Variants in HRH1 observed in about 807,000 individuals in gnomAD.
HRH1 encodes histamine receptor H1.
HRH1 carries 6 observed loss-of-function variants against 10.3 expected under a neutral mutation model. That is an observed-to-expected ratio of 0.58 (90% confidence interval 0.32 to 1.15). HRH1 has a LOEUF of 1.15. HRH1 is among the 50% of genes most tolerant of loss of function. The pLI, the probability that HRH1 is intolerant of heterozygous loss-of-function variation, is 0.05. For synonymous variants in HRH1, 242 were observed against 236.7 expected (o/e 1.02, Z -0.21); for missense variants, 514 against 615.3 (o/e 0.84, Z 1.74).
intron 1 of HRH1, among the ~76,000 whole-genome samples, chr3:11,242,760 A>T (rs578015744): frequency 1.3e-4 from 20 of 152,330 alleles, no homozygotes; most frequent in African/African-American, 4.3e-4. Flanking sequence ...AAAGTAGAAA[A>T]GTGGACCAAA....
intron 1 of HRH1, among the ~76,000 whole-genome samples, chr3:11,182,138 G>A (rs570153719): frequency 5.6e-4 from 85 of 151,418 alleles, no homozygotes; most frequent in African/African-American, 7.0e-4. Context: ...GCCTGCCACC[G>A]CACCTGGCTA....
intron 1 of HRH1, among the ~76,000 whole-genome samples, chr3:11,204,228 G>A (rs1938035805): frequency 6.6e-6 from 1 of 152,158 alleles, no homozygotes; most frequent in African/African-American, 2.4e-5. Context: ...AGGAGCTGGA[G>A]ATGCAACAGA....
intron 1 of HRH1, among the ~76,000 whole-genome samples, chr3:11,139,424 C>T (rs1478194779): frequency 6.6e-6 from 1 of 152,010 alleles, no homozygotes; most frequent in African/African-American, 2.4e-5. Flanking sequence ...GGATTACAGG[C>T]GCCTGCCACC....
At chr3:11,250,471 G>A (rs1390048910) in intron 1 of HRH1, among the ~76,000 whole-genome samples, 4 of 152,026 alleles carry the variant, frequency 2.6e-5, no homozygotes, top group Admixed American at 2.6e-4. Flanking sequence ...GTTGTGAGGA[G>A]CACTAGGTAT....
chr3:11,138,989 CTTT>C (rs35542980), intron 1 of HRH1, among the ~76,000 whole-genome samples: 2 of 140,078 alleles, frequency 1.4e-5, no homozygotes, highest in African/African-American at 2.6e-5. Flanking sequence ...CTGCATTGTT[CTTT>C]TTTTTTTTTT....
rs533251200 is a variant in HRH1, at chr3:11,208,399, G to A, written c.-35-50604G>A. On this transcript the variant is annotated intron_variant, in intron 1 of 1. Transcript: ENST00000431010. ...ACTTCTGAGCTCAAGCGATCTACCC[G>A]CCTTGGCCTCCCAAAGTGCTGGAAT... Among the ~76,000 whole-genome samples, 355 of 152,078 alleles carry A rather than the reference G, an allele frequency of 2.3e-3. 1 individual carries two copies. Among genetic ancestry groups the A allele is most frequent in the Non-Finnish European group, 3.2e-3 (217 of 67,988 alleles).
upstream of HRH1, among the ~76,000 whole-genome samples, chr3:11,149,559 G>C (rs1256725034): frequency 6.6e-6 from 1 of 152,212 alleles, no homozygotes; most frequent in African/African-American, 2.4e-5. Flanking sequence ...AGGGTGAAGA[G>C]AAATGAATGG....
At chr3:11,212,226 T>C (rs577865664) in intron 1 of HRH1, among the ~76,000 whole-genome samples, 80 of 152,290 alleles carry the variant, frequency 5.3e-4, no homozygotes, top group Admixed American at 2.2e-3. Flanking sequence ...AGGCAGTGTA[T>C]GTGAGAAGGC....
At chr3:11,178,509 C>T (rs74390679) in intron 1 of HRH1, among the ~76,000 whole-genome samples, 3,018 of 152,332 alleles carry the variant, frequency 0.02, 39 homozygotes, top group Middle Eastern at 0.044. Flanking sequence ...CAAAGGCATG[C>T]GCCTGTGATC....
At chr3:11,182,671 G>A (rs977812351) in intron 1 of HRH1, among the ~76,000 whole-genome samples, 6 of 152,174 alleles carry the variant, frequency 3.9e-5, no homozygotes, top group Admixed American at 6.5e-5. Flanking sequence ...GAGGGAGGGT[G>A]CTGCAGCAAG....
chr3:11,246,603 T>C (rs1004669698), intron 1 of HRH1, among the ~76,000 whole-genome samples: 3 of 152,256 alleles, frequency 2.0e-5, no homozygotes, highest in Admixed American at 2.0e-4. Context: ...GCTATTTTTT[T>C]ATTCATTTCA....
intron 1 of HRH1, among the ~76,000 whole-genome samples, chr3:11,202,619 A>T (rs1000318364): frequency 1.3e-5 from 2 of 152,078 alleles, no homozygotes; most frequent in Non-Finnish European, 2.9e-5. Flanking sequence ...TTCTTCAAGC[A>T]GTCTTAGGGT....
At chr3:11,251,409 A>T (rs1467932986) in intron 1 of HRH1, among the ~76,000 whole-genome samples, 1 of 152,228 alleles carries the variant, frequency 6.6e-6, no homozygotes, top group Non-Finnish European at 1.5e-5. Flanking sequence ...TGGAGTCAGT[A>T]TAAATAGTTC....
At chr3:11,162,170 G>A (rs1274650392) in intron 1 of HRH1, among the ~76,000 whole-genome samples, 1 of 152,128 alleles carries the variant, frequency 6.6e-6, no homozygotes, top group East Asian at 1.9e-4. Flanking sequence ...CAAAAGAAGG[G>A]ACTGAGTTAT....
rs1003579702 is a variant in HRH1, at chr3:11,260,556, T to C, written c.*55T>C. 1 of 1,496,162 alleles carries C rather than the reference T, an allele frequency of 6.7e-7. No homozygotes were observed. Among genetic ancestry groups the C allele is most frequent in the Admixed American group, 2.1e-5 (1 of 47,056 alleles). 92.7% of individuals were successfully genotyped at this position (1,496,162 alleles called of 1,614,324 possible). A position where few individuals can be genotyped will look rare whatever the true frequency, so the allele number is the denominator to read the frequency against. ...ATCCTTATGATGTCCAACAAGGAAA[T>C]AGAGGACGAAGGCCTGTGTGTTGCC... On this transcript the variant is annotated 3_prime_UTR_variant, in exon 2 of 2. Transcript: ENST00000431010.
Position 11,158,842 on chromosome 3 carries a change from A to G in HRH1, c.-36+4288A>G, listed in dbSNP as rs1401913077. Among the ~76,000 whole-genome samples, 5 of 152,244 alleles carry G rather than the reference A, an allele frequency of 3.3e-5. No individual in the cohort carries two copies. The East Asian group carries it at 7.7e-4, about 23-fold the overall frequency. ...ATTTGTAGATTCTTTTGAAAACACC[A>G]TATACAATTGTAAGAGGTACAAATA... On this transcript the variant is annotated intron_variant, in intron 1 of 1. Transcript: ENST00000431010.
intron 1 of HRH1, among the ~76,000 whole-genome samples, chr3:11,234,768 C>T (rs967726144): frequency 2.0e-5 from 3 of 152,182 alleles, no homozygotes; most frequent in African/African-American, 7.2e-5. Context: ...TCAGGCAGGG[C>T]GGGCACCTCT....
chr3:11,223,446 CA>C (rs1355865248), intron 1 of HRH1, among the ~76,000 whole-genome samples: 2 of 151,892 alleles, frequency 1.3e-5, no homozygotes, highest in Non-Finnish European at 1.5e-5. Flanking sequence ...TTGCAGTGAG[CA>C]GAGATGGCGC....
At chr3:11,228,911 CAAA>C (rs10710059) in intron 1 of HRH1, among the ~76,000 whole-genome samples, 34 of 115,562 alleles carry the variant, frequency 2.9e-4, no homozygotes, top group Middle Eastern at 4.6e-3. Flanking sequence ...GAGAGTATGT[CAAA>C]AAAAAAAAAA....
Sources: allele counts gnomAD v4.1 joint callset (sites outside exome capture counted in the v4.1 genomes callset), GRCh38; gene constraint gnomAD v4.1.1; transcripts MANE v1.5; gene names NCBI Gene and HGNC (gene_info 2026-07-23, HGNC 2026-07-21).